FAM20C: variants seen among roughly 807,000 people sequenced by gnomAD.
FAM20C encodes the protein extracellular serine/threonine protein kinase FAM20C.
FAM20C carries 40 observed loss-of-function variants against 51.5 expected under a neutral mutation model. The ratio of observed to expected loss-of-function variants is 0.78; its 90% CI spans 0.60 to 1.01. The LOEUF (loss-of-function observed/expected upper bound fraction) is 1.01. Ranked by LOEUF, FAM20C falls within the 50% of genes least tolerant of loss-of-function variation. The probability of loss-of-function intolerance (pLI) is 0.00; values close to 1 mark genes in which losing one functional copy is unlikely to be tolerated. For missense variants in FAM20C, 861 were observed against 844.7 expected (o/e 1.02, Z -0.24); for synonymous variants, 406 against 380.6 (o/e 1.07, Z -0.78).
At chr7:207,750 C>T (rs1292997682) in intron 2 of FAM20C, among the ~76,000 whole-genome samples, 1 of 152,236 alleles carries the variant, frequency 6.6e-6, no homozygotes, top group African/African-American at 2.4e-5. Flanking sequence ...CGGTCCACAG[C>T]GCGTGACAAT....
At chr7:217,744 G>A (rs961114056) in intron 3 of FAM20C, among the ~76,000 whole-genome samples, 2 of 152,114 alleles carry the variant, frequency 1.3e-5, no homozygotes, top group Non-Finnish European at 1.5e-5. Context: ...TAAGAAAGAC[G>A]GGAGAACAAT....
chr7:193,507 C>G lies in FAM20C; in HGVS notation c.308C>G (p.Ser103Trp). ...AGCTCCGACCCCTCCTCCAACCTCT[C>G]GTCCCACTCGCTGGAGAAACTGCCG... ...DFSSDPSSNL[S>W]SHSLEKLPPA... Residue 103 changes from serine (S) to tryptophan (W), a missense_variant, in exon 1 of 10, where the codon TCG (serine) becomes TGG (tryptophan). Around this residue, in one of 3 missense-constraint regions of FAM20C, gnomAD observed 561 missense variants for 499.8 expected, o/e 1.12. Transcript: ENST00000313766. 1 of 1,503,422 alleles carries G rather than the reference C, an allele frequency of 6.7e-7. No individual in the cohort carries two copies. Among genetic ancestry groups the G allele is most frequent in the Non-Finnish European group, 8.9e-7 (1 of 1,123,142 alleles). 93.1% of individuals were successfully genotyped at this position (1,503,422 alleles called of 1,614,324 possible). A position where few individuals can be genotyped will look rare whatever the true frequency, so the allele number is the denominator to read the frequency against.
At chr7:251,011 G>A (rs921875314) in intron 5 of FAM20C, among the ~76,000 whole-genome samples, 3 of 152,198 alleles carry the variant, frequency 2.0e-5, no homozygotes, top group Non-Finnish European at 4.4e-5. Context: ...CGCAGGGAGG[G>A]GTCAATGATG....
At chr7:227,874 A>G (rs1787505594) in intron 3 of FAM20C, 1 of 152,654 alleles carries the variant, frequency 6.6e-6, no homozygotes, top group Non-Finnish European at 1.5e-5. Context: ...GAATCATTTT[A>G]AAATGGATTT....
intron 3 of FAM20C, among the ~76,000 whole-genome samples, chr7:213,086 A>G (rs1786796227): frequency 6.6e-6 from 1 of 152,242 alleles, no homozygotes; most frequent in South Asian, 2.1e-4. Flanking sequence ...TTTGTGAGTG[A>G]CACGTTTCCA....
At position 236,054 on chromosome 7, in the gene FAM20C, C is replaced by T. The variant is rs1466572481; in HGVS notation, c.864-10361C>T. On this transcript the variant is annotated intron_variant, in intron 3 of 9. Coordinates refer to ENST00000313766, the MANE Select transcript of FAM20C (RefSeq NM_020223.4). ...CTGGCATACCTTCTGTCAGGGCGCC[C>T]AGGAAGAAGGAGAGGCTGCCAGGTG... 2.0e-5 allele frequency among the ~76,000 whole-genome samples: 3 copies of T among 152,226 alleles called. No homozygotes were observed. The East Asian group carries it at 5.8e-4, about 29-fold the overall frequency.
intron 3 of FAM20C, among the ~76,000 whole-genome samples, chr7:235,551 G>A (rs1407019196): frequency 3.9e-5 from 6 of 152,146 alleles, no homozygotes; most frequent in Admixed American, 1.3e-4. Context: ...TTTGTTTATC[G>A]TCACATAAAA....
chr7:204,756 T>C (rs1310968562), intron 2 of FAM20C, among the ~76,000 whole-genome samples: 1 of 152,002 alleles, frequency 6.6e-6, no homozygotes, highest in Non-Finnish European at 1.5e-5. Context: ...GTCCCCACAT[T>C]GCCACTGTTC....
intron 5 of FAM20C, among the ~76,000 whole-genome samples, chr7:252,606 C>A (rs1007994413): frequency 3.3e-4 from 50 of 152,188 alleles, no homozygotes; most frequent in Admixed American, 1.9e-3. Flanking sequence ...CCCGTGGGGT[C>A]AATCAGAAAA....
At chr7:203,761 T>A (rs1336867126) in intron 2 of FAM20C, among the ~76,000 whole-genome samples, 1 of 152,168 alleles carries the variant, frequency 6.6e-6, no homozygotes, top group Non-Finnish European at 1.5e-5. Flanking sequence ...TAGGACCTGC[T>A]TCCAGACGAA....
chr7:218,859 GCACAGA>G (rs1787122231), intron 3 of FAM20C, among the ~76,000 whole-genome samples: 3 of 149,768 alleles, frequency 2.0e-5, no homozygotes, highest in South Asian at 2.2e-4. Flanking sequence ...GGCCCAGGAC[GCACAGA>G]TCACTCCTGT....
intron 2 of FAM20C, among the ~76,000 whole-genome samples, chr7:204,105 C>G (rs1786244003): frequency 1.3e-5 from 2 of 152,234 alleles, no homozygotes; most frequent in South Asian, 4.1e-4. Flanking sequence ...CCCATCCGTG[C>G]ATCCCAGGTT....
At chr7:207,536 C>T (rs78793573) in intron 2 of FAM20C, among the ~76,000 whole-genome samples, 1,766 of 152,282 alleles carry the variant, frequency 0.012, 34 homozygotes, top group African/African-American at 0.04. Flanking sequence ...TCCTGAGCTG[C>T]GCCCAGGGCC....
chr7:203,424 C>T (rs1786219050), intron 2 of FAM20C, among the ~76,000 whole-genome samples: 1 of 152,196 alleles, frequency 6.6e-6, no homozygotes, highest in African/African-American at 2.4e-5. Flanking sequence ...CCTGCTGGCC[C>T]CTTCCTGGGT....
At chr7:198,327 G>A (rs558465360) in intron 2 of FAM20C, among the ~76,000 whole-genome samples, 12 of 152,170 alleles carry the variant, frequency 7.9e-5, no homozygotes, top group Non-Finnish European at 1.2e-4. Context: ...ATGGATTAAC[G>A]CCTCCAGCAC....
At chr7:205,451 G>C (rs1044256782) in intron 2 of FAM20C, among the ~76,000 whole-genome samples, 2 of 152,154 alleles carry the variant, frequency 1.3e-5, no homozygotes, top group Non-Finnish European at 2.9e-5. Context: ...TGTTGCCCAG[G>C]CTGGTCTCAA....
intron 3 of FAM20C, among the ~76,000 whole-genome samples, chr7:220,414 C>T (rs995205638): frequency 1.4e-5 from 1 of 72,034 alleles, no homozygotes; most frequent in African/African-American, 5.4e-5. Context: ...TCCCGGGGGG[C>T]GTGGTCAACG....
At chr7:256,542 A>G in intron 6 of FAM20C, 112 bp from the exon 7 acceptor site, 1 of 865,782 alleles carries the variant, frequency 1.2e-6, no homozygotes, top group East Asian at 2.7e-5. Flanking sequence ...GGGCGGGTCC[A>G]TCTGCAGACG....
intron 3 of FAM20C, among the ~76,000 whole-genome samples, chr7:217,693 C>T (rs1324956010): frequency 1.3e-5 from 2 of 152,258 alleles, no homozygotes; most frequent in South Asian, 4.1e-4. Context: ...TGCAGTCCCA[C>T]GTGGCCACGT....
Sources: allele counts gnomAD v4.1 joint callset (sites outside exome capture counted in the v4.1 genomes callset), GRCh38; gene constraint gnomAD v4.1.1; regional missense constraint gnomAD v4.1.1; transcripts MANE v1.5; gene names NCBI Gene and HGNC (gene_info 2026-07-23, HGNC 2026-07-21).